The following ANXA4 variants were observed in gnomAD, a reference collection of about 807,000 sequenced individuals.
ANXA4 encodes annexin A4, also known as 35-beta calcimedin.
A neutral mutation model predicts 49.8 loss-of-function variants in ANXA4; 39 were observed. The ratio of observed to expected loss-of-function variants is 0.78; its 90% CI spans 0.61 to 1.02. ANXA4 has a LOEUF of 1.02. ANXA4 is among the 50% of genes least tolerant of loss of function. The pLI is 0.00. For missense variants in ANXA4, 360 were observed against 410.1 expected (o/e 0.88, Z 1.05); for synonymous variants, 134 against 152.5 (o/e 0.88, Z 0.89).
chr2:69,785,505 G>T (rs1317078407), intron 2 of ANXA4, among the ~76,000 whole-genome samples: 1 of 151,968 alleles, frequency 6.6e-6, no homozygotes, highest in Admixed American at 6.6e-5. Flanking sequence ...ATAGATAAAA[G>T]AATCTCATTA....
At chr2:69,646,567 G>T (rs924055122) in intron 1 of ANXA4, among the ~76,000 whole-genome samples, 1 of 152,182 alleles carries the variant, frequency 6.6e-6, no homozygotes, top group African/African-American at 2.4e-5. Context: ...AGTGGGAAAA[G>T]AAAGTGCCAT....
intron 2 of ANXA4, among the ~76,000 whole-genome samples, chr2:69,710,782 A>AT (rs1457704143): frequency 6.6e-6 from 1 of 152,194 alleles, no homozygotes; most frequent in East Asian, 1.9e-4. Flanking sequence ...ACAGGCTAAC[A>AT]TTTTTTAACT....
intron 7 of ANXA4, chr2:69,810,988 A>G (rs1673683776): frequency 7.3e-6 from 2 of 275,326 alleles, no homozygotes; most frequent in Non-Finnish European, 1.4e-5. Flanking sequence ...TCATAAGGGA[A>G]TACATCAGGT....
chr2:69,789,239 G>A (rs114848954), intron 3 of ANXA4, among the ~76,000 whole-genome samples: 77 of 152,284 alleles, frequency 5.1e-4, no homozygotes, highest in African/African-American at 1.8e-3. Context: ...TTTTACAGAT[G>A]TGAAACTGAG....
chr2:69,822,624 T>G (rs1368137973), intron 12 of ANXA4, among the ~76,000 whole-genome samples: 6 of 152,194 alleles, frequency 3.9e-5, no homozygotes, highest in Non-Finnish European at 8.8e-5. Flanking sequence ...GATACGTGAA[T>G]GAACCTTGAA....
At chr2:69,762,159 C>G (rs1671318156) in intron 1 of ANXA4, among the ~76,000 whole-genome samples, 1 of 152,212 alleles carries the variant, frequency 6.6e-6, no homozygotes, top group Non-Finnish European at 1.5e-5. Context: ...GTCTCTCTAG[C>G]CACTTTCAGT....
At chr2:69,811,698 A>T (rs1397302046) in intron 7 of ANXA4, among the ~76,000 whole-genome samples, 1 of 152,152 alleles carries the variant, frequency 6.6e-6, no homozygotes, top group Non-Finnish European at 1.5e-5. Flanking sequence ...TTTCCCTTCA[A>T]ACCAGCTCTT....
At chr2:69,719,438 AATT>A (rs1468487197) in intron 2 of ANXA4, among the ~76,000 whole-genome samples, 2 of 150,258 alleles carry the variant, frequency 1.3e-5, no homozygotes, top group Non-Finnish European at 3.0e-5. Context: ...AATTTTTAAA[AATT>A]ATTATTATTT....
intron 2 of ANXA4, among the ~76,000 whole-genome samples, chr2:69,687,328 A>C (rs1009016184): frequency 6.6e-6 from 1 of 151,954 alleles, no homozygotes; most frequent in Non-Finnish European, 1.5e-5. Context: ...ACATGGTGAG[A>C]CCCGTCTCTA....
In ANXA4 at chr2:69,656,202, TATAC is replaced by T. The variant is rs1286469271; in HGVS notation, n.766+2922_766+2925del. On this transcript the variant is annotated intron_variant and non_coding_transcript_variant, in intron 2 of 3. Coordinates refer to the ANXA4 transcript ENST00000418066. ...AAATATATATACGTATATATATATA[TATAC>T]ACACACATATATATGTATATATGTA... Among the ~76,000 whole-genome samples, 7 of 137,558 alleles carry T rather than the reference TATAC, an allele frequency of 5.1e-5. No individual in the cohort carries two copies. The East Asian group carries it at 1.2e-3, about 24-fold the overall frequency. 90.2% of individuals were successfully genotyped at this position (137,558 alleles called of 152,430 possible). A position where few individuals can be genotyped will look rare whatever the true frequency, so the allele number is the denominator to read the frequency against.
At chr2:69,738,438 A>G (rs1415784721), upstream of ANXA4, among the ~76,000 whole-genome samples, 1 of 152,160 alleles carries the variant, frequency 6.6e-6, no homozygotes, top group Non-Finnish European at 1.5e-5. Flanking sequence ...TGGCTCTTCA[A>G]TTTCAGTACA....
intron 3 of ANXA4, among the ~76,000 whole-genome samples, chr2:69,795,125 C>T (rs1038775693): frequency 1.3e-5 from 2 of 152,096 alleles, no homozygotes; most frequent in African/African-American, 4.8e-5. Context: ...CTGAGCCTTC[C>T]TTGATTGGGG....
Position 69,787,597 on chromosome 2 carries a change from C to G in ANXA4, c.10-457C>G, listed in dbSNP as rs140927314. Among the ~76,000 whole-genome samples, 511 of 152,266 alleles carry G rather than the reference C, an allele frequency of 3.4e-3. 3 individuals carry two copies. The highest frequency in any genetic ancestry group is 0.012 in the African/African-American group (497 of 41,550). On this transcript the variant is annotated intron_variant, in intron 2 of 12. Coordinates refer to ENST00000394295, the MANE Select transcript of ANXA4 (RefSeq NM_001153.5). ...CACGTTGGTGTAGTTTGTCTTCCCCCCACTCCTTGCCCACCAACTTGAGCC... is the reference window on the plus strand; with the variant it reads ...CACGTTGGTGTAGTTTGTCTTCCCCGCACTCCTTGCCCACCAACTTGAGCC...
chr2:69,680,708 A>C (rs1186745492), intron 2 of ANXA4, among the ~76,000 whole-genome samples: 1 of 152,190 alleles, frequency 6.6e-6, no homozygotes, highest in Admixed American at 6.5e-5. Context: ...AATTCTTACC[A>C]TGAAGGTATG....
intron 3 of ANXA4, among the ~76,000 whole-genome samples, chr2:69,797,942 G>A (rs1673010832): frequency 6.6e-6 from 1 of 152,194 alleles, no homozygotes; most frequent in Non-Finnish European, 1.5e-5. Flanking sequence ...TGGAATACCA[G>A]GCAGTAACTT....
chr2:69,791,047 ATGGAACCT>A (rs907116162), intron 3 of ANXA4, among the ~76,000 whole-genome samples: 22 of 152,190 alleles, frequency 1.4e-4, no homozygotes, highest in African/African-American at 5.1e-4. Context: ...ATTGGCTTTG[ATGGAACCT>A]TGTTCCATGA....
At chr2:69,747,821 G>A (rs72903064) in intron 1 of ANXA4, among the ~76,000 whole-genome samples, 1 of 151,892 alleles carries the variant, frequency 6.6e-6, no homozygotes, top group Non-Finnish European at 1.5e-5. Context: ...GAGTAGCTGG[G>A]ACTACAGGCA....
intron 3 of ANXA4, among the ~76,000 whole-genome samples, chr2:69,723,247 AT>A (rs1669868970): frequency 6.6e-6 from 1 of 151,880 alleles, no homozygotes; most frequent in Non-Finnish European, 1.5e-5. Context: ...CACCAATGAA[AT>A]AGAAAACAAA....
intron 3 of ANXA4, 31 bp downstream of exon 3, chr2:69,788,172 G>A: frequency 6.3e-7 from 1 of 1,583,846 alleles, no homozygotes; most frequent in African/African-American, 1.3e-5. Flanking sequence ...GAATCCTCCT[G>A]CGTGCATTGC....
Sources: gnomAD v4.1 joint callset for allele counts (sites outside exome capture counted in the v4.1 genomes callset) on GRCh38, gnomAD v4.1.1 for gene constraint, MANE v1.5 for transcripts, NCBI Gene and HGNC (gene_info 2026-07-23, HGNC 2026-07-21) for gene names.